The following PLGRKT variants were observed in gnomAD, a reference collection of about 807,000 sequenced individuals.
PLGRKT encodes the protein plasminogen receptor (KT).
A neutral mutation model predicts 18.5 loss-of-function variants in PLGRKT; 22 were observed. That is an observed-to-expected ratio of 1.19 (90% CI 0.85 to 1.70). The LOEUF is 1.70. PLGRKT is among the 40% of genes most tolerant of loss of function. PLGRKT has a pLI of 0.00. For missense variants in PLGRKT, 235 were observed against 174.4 expected (o/e 1.35, Z -1.96); for synonymous variants, 72 against 52.8 (o/e 1.36, Z -1.58).
At chr9:5,417,430 GA>G (rs1355327293) in intron 3 of PLGRKT, among the ~76,000 whole-genome samples, 1 of 151,152 alleles carries the variant, frequency 6.6e-6, no homozygotes, top group African/African-American at 2.4e-5. Flanking sequence ...AAAACTTTTA[GA>G]AAAAAAACAC....
At chr9:5,373,570 C>G (rs891740879) in intron 3 of PLGRKT, among the ~76,000 whole-genome samples, 1 of 152,044 alleles carries the variant, frequency 6.6e-6, no homozygotes, top group Admixed American at 6.6e-5. Context: ...CTGGCTGAGG[C>G]AGGAGGATCG....
At chr9:5,377,556 A>G (rs991237634) in intron 3 of PLGRKT, among the ~76,000 whole-genome samples, 2 of 152,224 alleles carry the variant, frequency 1.3e-5, no homozygotes, top group Admixed American at 6.5e-5. Flanking sequence ...ATTTTCAGAA[A>G]TGTTGAGAAA....
At chr9:5,392,930 C>T (rs1209689253) in intron 3 of PLGRKT, among the ~76,000 whole-genome samples, 1 of 151,778 alleles carries the variant, frequency 6.6e-6, no homozygotes, top group Admixed American at 6.6e-5. Flanking sequence ...CAACCTCCAC[C>T]TCCCAGGTTC....
chr9:5,420,503 G>A (rs1453541503), intron 3 of PLGRKT, among the ~76,000 whole-genome samples: 1 of 152,114 alleles, frequency 6.6e-6, no homozygotes, highest in Non-Finnish European at 1.5e-5. Context: ...AGGAGGTATG[G>A]GCAGAAATGA....
intron 3 of PLGRKT, among the ~76,000 whole-genome samples, chr9:5,389,272 A>T (rs1407805380): frequency 6.6e-6 from 1 of 151,926 alleles, no homozygotes; most frequent in Non-Finnish European, 1.5e-5. Flanking sequence ...ATGCTTGGTC[A>T]TTTCTGTGGT....
At chr9:5,401,944 T>C (rs939978611) in intron 3 of PLGRKT, among the ~76,000 whole-genome samples, 3 of 151,946 alleles carry the variant, frequency 2.0e-5, no homozygotes, top group African/African-American at 7.3e-5. Flanking sequence ...ACTTGTCTCA[T>C]GTTTAGTGTG....
At chr9:5,363,443 C>T (rs577544908) in intron 3 of PLGRKT, among the ~76,000 whole-genome samples, 2 of 151,872 alleles carry the variant, frequency 1.3e-5, no homozygotes, top group African/African-American at 4.8e-5. Context: ...TGGTAGGCCA[C>T]CTGCTCTCAA....
chr9:5,373,656 G>A (rs972831494), intron 3 of PLGRKT, among the ~76,000 whole-genome samples: 2 of 152,056 alleles, frequency 1.3e-5, no homozygotes, highest in Non-Finnish European at 2.9e-5. Flanking sequence ...AAATTAGCTG[G>A]GCATGGTGGC....
chr9:5,369,206 C>G (rs1448764866), intron 3 of PLGRKT, among the ~76,000 whole-genome samples: 1 of 152,168 alleles, frequency 6.6e-6, no homozygotes, highest in African/African-American at 2.4e-5. Flanking sequence ...GCAATCTACT[C>G]CTCTCACGAA....
At chr9:5,406,394 T>A (rs1223009570) in intron 3 of PLGRKT, among the ~76,000 whole-genome samples, 1 of 152,120 alleles carries the variant, frequency 6.6e-6, no homozygotes, top group East Asian at 1.9e-4. Context: ...ATAAAGAAAG[T>A]GTGGTACATA....
chr9:5,428,794 G>T (rs986349495), intron 3 of PLGRKT, among the ~76,000 whole-genome samples: 10 of 152,136 alleles, frequency 6.6e-5, no homozygotes, highest in Non-Finnish European at 2.9e-5. Context: ...ACCTTCCTGG[G>T]CTCAAGCAAT....
intron 3 of PLGRKT, among the ~76,000 whole-genome samples, chr9:5,397,025 G>C (rs1818063013): frequency 6.6e-6 from 1 of 151,970 alleles, no homozygotes; most frequent in Admixed American, 6.6e-5. Flanking sequence ...GAAAATCAGA[G>C]TTTTAACCAA....
rs971564974 is a variant in PLGRKT at position 5,372,599 on chromosome 9, T to A, written c.82-10711A>T. Among the ~76,000 whole-genome samples, 10 of 152,198 alleles carry A rather than the reference T, an allele frequency of 6.6e-5. 1 individual carries two copies. Among genetic ancestry groups the A allele is most frequent in the Admixed American group, 6.6e-4 (10 of 15,266 alleles). On this transcript the variant is annotated intron_variant, in intron 3 of 5. Coordinates refer to ENST00000223864, the MANE Select transcript of PLGRKT (RefSeq NM_018465.4). ...TCTCCTAGGGGAACTCCACAGCTAC[T>A]GCCTCCTGCCACAGGTGCTCAGGAC...
At position 5,418,609 on chromosome 9, in the gene PLGRKT, C is replaced by T; in HGVS notation, c.81+13288G>A. Reference sequence around the variant, plus strand: ...CACAGTGACGGACTTCTGCCGGTTCCTGGGCAGCAGGTGGCGGCTCATATC... The same window carrying T: ...CACAGTGACGGACTTCTGCCGGTTCTTGGGCAGCAGGTGGCGGCTCATATC... On this transcript the variant is annotated intron_variant, in intron 3 of 5. Coordinates refer to ENST00000223864, the MANE Select transcript of PLGRKT (RefSeq NM_018465.4). The surrounding 1 kb of genome is among the most constrained non-coding windows in gnomAD (Gnocchi z 4.2). 2.7e-6 allele frequency: 2 copies of T among 733,962 alleles called. No individual in the cohort carries two copies. The highest frequency in any genetic ancestry group is 2.8e-5 in the South Asian group (2 of 71,576). 45.5% of individuals were successfully genotyped at this position (733,962 alleles called of 1,614,324 possible).
intron 3 of PLGRKT, among the ~76,000 whole-genome samples, chr9:5,384,525 TA>T (rs1457513199): frequency 2.6e-5 from 4 of 152,114 alleles, no homozygotes; most frequent in Non-Finnish European, 5.9e-5. Context: ...ACTCAGAAGG[TA>T]AAGTCAAAAT....
At chr9:5,383,905 G>A (rs62557755) in intron 3 of PLGRKT, among the ~76,000 whole-genome samples, 7,535 of 152,286 alleles carry the variant, frequency 0.049, 269 homozygotes, top group African/African-American at 0.095. Flanking sequence ...CATTTATTGA[G>A]CCAGGGAATG....
chr9:5,385,830 G>T (rs1325111776), intron 3 of PLGRKT, among the ~76,000 whole-genome samples: 1 of 151,826 alleles, frequency 6.6e-6, no homozygotes, highest in East Asian at 1.9e-4. Flanking sequence ...TATTTCCTAG[G>T]ATGTTTATAC....
At chr9:5,434,547 C>T (rs1405223124) in intron 2 of PLGRKT, among the ~76,000 whole-genome samples, 3 of 149,466 alleles carry the variant, frequency 2.0e-5, no homozygotes, top group Admixed American at 6.6e-5. Context: ...AGGTGGGGAG[C>T]GCCTCTGCCC....
intron 3 of PLGRKT, among the ~76,000 whole-genome samples, chr9:5,403,597 G>C (rs1311516935): frequency 2.0e-5 from 3 of 152,220 alleles, no homozygotes; most frequent in African/African-American, 7.2e-5. Flanking sequence ...GCAACGATAA[G>C]ATTGTTCTAC....
Sources: gnomAD v4.1 joint callset for allele counts (sites outside exome capture counted in the v4.1 genomes callset) on GRCh38, gnomAD v4.1.1 for gene constraint, Gnocchi (gnomAD v3.1) non-coding constraint, MANE v1.5 for transcripts, NCBI Gene and HGNC (gene_info 2026-07-23, HGNC 2026-07-21) for gene names.